Variants in BRD3 observed in about 807,000 individuals in gnomAD.
BRD3 encodes bromodomain containing 3.
A neutral mutation model predicts 66.8 loss-of-function variants in BRD3; 17 were observed. The ratio of observed to expected loss-of-function variants is 0.25; its 90% confidence interval spans 0.17 to 0.38. The LOEUF (loss-of-function observed/expected upper bound fraction) is 0.38, where lower values mean the gene tolerates loss of function less well. Ranked by LOEUF, BRD3 falls within the 10% of genes least tolerant of loss-of-function variation. BRD3 has a pLI of 1.00. For missense variants in BRD3, 713 were observed against 956.1 expected (o/e 0.75, Z 3.35); for synonymous variants, 421 against 393.2 (o/e 1.07, Z -0.84).
At chr9:134,055,256 G>A (rs1456495490) in intron 1 of BRD3, among the ~76,000 whole-genome samples, 2 of 152,340 alleles carry the variant, frequency 1.3e-5, no homozygotes, top group Non-Finnish European at 1.5e-5. Context: ...AAACCAAGTC[G>A]GATCAAGTCA....
rs1216392201 is a variant in BRD3 at position 134,032,353 on chromosome 9, T to G, written c.*1237A>C. On this transcript the variant is annotated 3_prime_UTR_variant, in exon 12 of 12. Transcript: ENST00000303407. ...AAAACAGTCTTAAAGAGACCAGAAG[T>G]GAATACAAAAGAACTAAACAAAATA... 5.2e-5 allele frequency: 11 copies of G among 210,794 alleles called. No individual in the cohort carries two copies. The East Asian group carries it at 7.5e-4, about 14-fold the overall frequency. 13.1% of individuals were successfully genotyped at this position (210,794 alleles called of 1,614,324 possible). A position where few individuals can be genotyped will look rare whatever the true frequency, so the allele number is the denominator to read the frequency against.
At position 134,045,586 on chromosome 9, in the gene BRD3, G is replaced by A. The variant is rs149003192; in HGVS notation, c.1087-165C>T. On this transcript the variant is annotated intron_variant, in intron 6 of 11. Transcript: ENST00000303407. This position sits in a 1 kb window ranked among gnomAD's most constrained non-coding sequence, Gnocchi z 4.8. ...ACCCCAGCTCTCTGGGACCTCGTAC[G>A]AGGAAACCCAAAGTGAGGACATGAG... Among the ~76,000 whole-genome samples, 744 of 152,288 alleles carry A rather than the reference G, an allele frequency of 4.9e-3. 7 individuals are homozygous for A. The highest frequency in any genetic ancestry group is 0.017 in the African/African-American group (713 of 41,562).
At chr9:134,053,135 C>G in intron 2 of BRD3, 130 bp downstream of exon 2, 4 of 1,040,676 alleles carry the variant, frequency 3.8e-6, no homozygotes, top group Non-Finnish European at 5.7e-6. Flanking sequence ...CTTCCTGAGG[C>G]ACAGGCTGTC....
chr9:134,042,688 CACAT>C (rs1401417159), intron 7 of BRD3, among the ~76,000 whole-genome samples: 18 of 134,988 alleles, frequency 1.3e-4, no homozygotes, highest in African/African-American at 4.3e-4. Flanking sequence ...TACACACACA[CACAT>C]ATACACACAC....
Position 134,050,555 on chromosome 9 carries a change from G to C in BRD3, c.533C>G (p.Ser178Cys), listed in dbSNP as rs370414053. Residue 178 changes from serine (S) to cysteine (C), a missense_variant, in exon 5 of 12, where the codon TCC becomes TGC. By Grantham distance (112) the Ser-to-Cys change is moderately radical. Coordinates refer to ENST00000303407, the MANE Select transcript of BRD3 (RefSeq NM_007371.4). Reference sequence around the variant, plus strand: ...CACGCTCTGAAAGGGGGTCGCTGGGGAGACAGAGGACACGGCCGCCACTTG... The same window carrying C: ...CACGCTCTGAAAGGGGGTCGCTGGGCAGACAGAGGACACGGCCGCCACTTG... Reference protein sequence around the residue: ...TQQVAAVSSVSPATPFQSVPP... With the variant: ...TQQVAAVSSVCPATPFQSVPP... 1.2e-6 allele frequency: 2 copies of C among 1,606,340 alleles called. No homozygotes were observed. The highest frequency in any genetic ancestry group is 2.7e-5 in the African/African-American group (2 of 74,866).
intron 10 of BRD3, among the ~76,000 whole-genome samples, 182 bp from the exon 11 acceptor site, chr9:134,035,011 G>A (rs557797355): frequency 1.4e-3 from 216 of 152,342 alleles, no homozygotes; most frequent in Non-Finnish European, 2.5e-3. Context: ...TGGCAGAAAT[G>A]ACTGGGATGA....
intron 1 of BRD3, among the ~76,000 whole-genome samples, chr9:134,062,277 G>T (rs1040484944): frequency 2.6e-5 from 4 of 152,122 alleles, no homozygotes; most frequent in Non-Finnish European, 4.4e-5. Flanking sequence ...CGCCTGGAGG[G>T]CCCGGCTCTA....
chr9:134,039,253 C>G (rs548086772), intron 9 of BRD3, among the ~76,000 whole-genome samples: 1 of 152,344 alleles, frequency 6.6e-6, no homozygotes, highest in African/African-American at 2.4e-5. Flanking sequence ...GAGCTTAAAT[C>G]CTAACTCTCC....
rs1186231882 is a variant in BRD3, at chr9:134,048,455, C to T, written c.715-1G>A. ...CTGCTTTCCGCTTCACGCCCTTTTT[C>T]TGCGACAGTGAAATAACCAGTGAAC... On this transcript the variant is annotated splice_acceptor_variant, in intron 5 of 11. Transcript: ENST00000303407. LOFTEE classifies it high-confidence loss of function. 3 of 1,598,452 alleles carry T rather than the reference C, an allele frequency of 1.9e-6. No homozygotes were observed. In the East Asian group the frequency reaches 6.7e-5, roughly 36 times the overall value.
intron 2 of BRD3, among the ~76,000 whole-genome samples, 193 bp downstream of exon 2, chr9:134,053,072 C>T (rs561525167): frequency 5.3e-5 from 8 of 152,344 alleles, no homozygotes; most frequent in South Asian, 4.1e-4. Flanking sequence ...CTGGGGCAGC[C>T]GCCCTCCACT....
At chr9:134,051,744 A>C (rs200050054) in intron 3 of BRD3, 35 bp from the exon 4 acceptor site, 18 of 1,571,822 alleles carry the variant, frequency 1.1e-5, no homozygotes, top group Non-Finnish European at 1.5e-5. Context: ...ACGTGTCAGG[A>C]AAGGAGCTGT....
In BRD3 at chr9:134,040,315, C is replaced by A. The variant is rs776494025; in HGVS notation, c.1408-46G>T. On this transcript the variant is annotated intron_variant, in intron 8 of 11. Transcript: ENST00000303407. ...GAGCAGGTGCTGGGCACGGCCCACACCACTGGGGCTGCGTGGCGCCCTGGG... is the reference window on the plus strand; with the variant it reads ...GAGCAGGTGCTGGGCACGGCCCACAACACTGGGGCTGCGTGGCGCCCTGGG... 3 of 1,560,200 alleles carry A rather than the reference C, an allele frequency of 1.9e-6. No individual in the cohort carries two copies. In the Admixed American group the frequency reaches 5.6e-5, roughly 29 times the overall value.
In BRD3 at chr9:134,033,753, C is replaced by A. The variant is rs763401047; in HGVS notation, c.2066-48G>T. The stretch of plus-strand genomic sequence containing the variant: ...ATGCGCTCGCACACCCGCTTCTTGA[C>A]CCGCTTGGCGGCATGTCGTCCATGC... On this transcript the variant is annotated intron_variant, in intron 11 of 11. Coordinates refer to ENST00000303407, the MANE Select transcript of BRD3 (RefSeq NM_007371.4). This position sits in a 1 kb window ranked among gnomAD's most constrained non-coding sequence, Gnocchi z 5.1. 1 of 684,100 alleles carries A rather than the reference C, an allele frequency of 1.5e-6. No homozygotes were observed. The highest frequency in any genetic ancestry group is 1.5e-5 in the South Asian group (1 of 66,262). 42.4% of individuals were successfully genotyped at this position (684,100 alleles called of 1,614,324 possible).
rs201871773 is a variant in BRD3 at position 134,041,719 on chromosome 9, G to A, written c.1407+41C>T. 173 of 1,592,478 alleles carry A rather than the reference G, an allele frequency of 1.1e-4. 1 individual carries two copies. The Middle Eastern group carries it at 5.8e-3, about 53-fold the overall frequency. On this transcript the variant is annotated intron_variant, in intron 8 of 11. Coordinates refer to ENST00000303407, the MANE Select transcript of BRD3 (RefSeq NM_007371.4). ...CTTGGGCTGCTGTGCCAGCAATCCC[G>A]CCTCAGCCCCTGAACCCCACCCAAG...
chr9:134,049,972 C>T (rs1295475182), intron 5 of BRD3, among the ~76,000 whole-genome samples: 2 of 152,202 alleles, frequency 1.3e-5, no homozygotes, highest in African/African-American at 2.4e-5. Context: ...ACAGGCGGGG[C>T]CAGCTTGGGT....
intron 2 of BRD3, among the ~76,000 whole-genome samples, 176 bp downstream of exon 2, chr9:134,053,089 C>A (rs114455205): frequency 6.6e-6 from 1 of 152,230 alleles, no homozygotes; most frequent in South Asian, 2.1e-4. Context: ...CACTCTCCCA[C>A]GCCCATGTGG....
At chr9:134,049,269 C>G (rs1830241750) in intron 5 of BRD3, among the ~76,000 whole-genome samples, 1 of 152,198 alleles carries the variant, frequency 6.6e-6, no homozygotes, top group Admixed American at 6.5e-5. Flanking sequence ...ATGGGCATCA[C>G]CTCAGCGTTC....
chr9:134,053,583 G>A lies in BRD3; in HGVS notation c.-106C>T. 4 of 1,447,010 alleles carry A rather than the reference G, an allele frequency of 2.8e-6. No homozygotes were observed. The highest frequency in any genetic ancestry group is 2.7e-6 in the Non-Finnish European group (3 of 1,103,632). The allele number at this position is 1,447,010 out of a possible 1,614,324, so 89.6% of individuals were successfully genotyped here. On this transcript the variant is annotated 5_prime_UTR_variant, in exon 2 of 12. Transcript: ENST00000303407. The stretch of plus-strand genomic sequence containing the variant: ...GACGTCCCATTTCCGGGCCCAACCA[G>A]GCGACAGCTGCAGAGGAGGAAGCAC...
At chr9:134,051,156 T>C (rs1208196486) in intron 4 of BRD3, among the ~76,000 whole-genome samples, 2 of 152,090 alleles carry the variant, frequency 1.3e-5, no homozygotes, top group Admixed American at 6.5e-5. Flanking sequence ...AGGCAGGTGA[T>C]AGTGACTCTC....
Sources: gnomAD v4.1 joint callset for allele counts (sites outside exome capture counted in the v4.1 genomes callset) on GRCh38, gnomAD v4.1.1 for gene constraint, Gnocchi (gnomAD v3.1) non-coding constraint, MANE v1.5 for transcripts, NCBI Gene and HGNC (gene_info 2026-07-23, HGNC 2026-07-21) for gene names.